Variants in EIF3I observed in about 807,000 individuals in gnomAD.
The protein encoded by EIF3I is TGF-beta receptor-interacting protein 1.
EIF3I carries 20 observed loss-of-function variants against 43.3 expected under a neutral mutation model. The ratio of observed to expected loss-of-function variants is 0.46; its 90% CI spans 0.32 to 0.67. The LOEUF (loss-of-function observed/expected upper bound fraction) is 0.67, where lower values mean the gene tolerates loss of function less well. Among genes scored for constraint, EIF3I ranks in the 30% least tolerant of loss-of-function variants. The probability of loss-of-function intolerance (pLI) is 0.03; values close to 1 mark genes in which losing one functional copy is unlikely to be tolerated. For synonymous variants in EIF3I, 167 were observed against 151.7 expected, an observed-to-expected ratio of 1.10 and a Z score of -0.74; for missense variants, 279 against 421.4, an observed-to-expected ratio of 0.66 and a Z score of 2.96.
intron 4 of EIF3I, among the ~76,000 whole-genome samples, chr1:32,225,314 T>A (rs1356929173): frequency 6.6e-6 from 1 of 152,224 alleles, no homozygotes; most frequent in African/African-American, 2.4e-5. Flanking sequence ...TGCTGGGTAC[T>A]GGGGACATGG....
chr1:32,222,708 G>T (rs1366707445), intron 2 of EIF3I, 78 bp downstream of exon 2: 1 of 1,454,020 alleles, frequency 6.9e-7, no homozygotes. Context: ...CAGTTTTGCC[G>T]TTAGCGGGGA....
chr1:32,231,363 C>T (rs568212067), downstream of EIF3I: 25 of 566,118 alleles, frequency 4.4e-5, no homozygotes, highest in East Asian at 6.9e-5. Context: ...TGGTGGCACA[C>T]GCCTATAGTC....
At chr1:32,224,590 G>A (rs1363377771) in intron 4 of EIF3I, 115 bp downstream of exon 4, 21 of 708,190 alleles carry the variant, frequency 3.0e-5, no homozygotes, top group Non-Finnish European at 5.1e-5. Context: ...TCCAGTCTAG[G>A]GAATAAGAGA....
In EIF3I at chr1:32,230,781, G is replaced by A. The variant is rs535703860; in HGVS notation, c.915-146G>A. The A allele has an allele frequency of 1.9e-4, 114 of 584,974 alleles. No individual in the cohort carries two copies. The Admixed American group carries it at 3.8e-3, about 19-fold the overall frequency. The allele number at this position is 584,974 out of a possible 1,614,324, so 36.2% of individuals were successfully genotyped here. A position where few individuals can be genotyped will look rare whatever the true frequency, so the allele number is the denominator to read the frequency against. ...GGAGGTTCCAGTGAACCGAGATTGCGCCACTGTACTCCACCCTGGGTGACA... is the reference window on the plus strand; with the variant it reads ...GGAGGTTCCAGTGAACCGAGATTGCACCACTGTACTCCACCCTGGGTGACA... On this transcript the variant is annotated intron_variant, in intron 10 of 11. Coordinates refer to ENST00000676679, the Ensembl canonical transcript of EIF3I.
intron 4 of EIF3I, among the ~76,000 whole-genome samples, chr1:32,225,013 T>C (rs1447531507): frequency 6.6e-6 from 1 of 152,192 alleles, no homozygotes; most frequent in Non-Finnish European, 1.5e-5. Context: ...TTTGTATTTT[T>C]AGTAGAGACA....
exon 6 of EIF3I, chr1:32,226,510 C>T (rs1639149068): frequency 5.7e-6 from 9 of 1,572,046 alleles, no homozygotes; most frequent in Non-Finnish European, 7.7e-6. Flanking sequence ...GAGTGGAGAG[C>T]TCAACCAGTA....
chr1:32,225,969 G>T (rs1224494060), intron 4 of EIF3I, among the ~76,000 whole-genome samples: 1 of 151,884 alleles, frequency 6.6e-6, no homozygotes, highest in Non-Finnish European at 1.5e-5. Context: ...TGCAGTGAGA[G>T]CCGAGATTGC....
At chr1:32,232,953 A>C (rs925424651), downstream of EIF3I, among the ~76,000 whole-genome samples, 1 of 152,196 alleles carries the variant, frequency 6.6e-6, no homozygotes, top group Admixed American at 6.6e-5. Flanking sequence ...ATATGCAACA[A>C]GCCAACCAAA....
chr1:32,222,472 G>T (rs373274802), intron 1 of EIF3I, 28 bp downstream of exon 1: 39 of 1,610,552 alleles, frequency 2.4e-5, no homozygotes, highest in Non-Finnish European at 3.2e-5. Flanking sequence ...GGGTATTGCA[G>T]TGGGGGTCCT....
At chr1:32,228,767 G>C (rs775798746) in exon 8 of EIF3I, 2 of 1,614,046 alleles carry the variant, frequency 1.2e-6, no homozygotes, top group South Asian at 2.2e-5. Flanking sequence ...AAGACTTTCC[G>C]GACAGAACGT....
intron 11 of EIF3I, 30 bp from the exon 11 acceptor site, chr1:32,231,085 C>A (rs753690328): frequency 6.2e-7 from 1 of 1,613,860 alleles, no homozygotes; most frequent in Non-Finnish European, 8.5e-7. Flanking sequence ...AGAGTAAGCA[C>A]CTGACTGGTG....
chr1:32,224,261 G>A, intron 3 of EIF3I, 140 bp downstream of exon 3: 1 of 1,103,296 alleles, frequency 9.1e-7, no homozygotes, highest in Middle Eastern at 2.1e-4. Context: ...CACTGACTGA[G>A]GAAACATTCA....
At chr1:32,231,722 A>T (rs1026453506), downstream of EIF3I, 5 of 154,054 alleles carry the variant, frequency 3.2e-5, no homozygotes, top group African/African-American at 1.2e-4. Flanking sequence ...CAAACTTAAG[A>T]CCCTCAGTAC....
At chr1:32,225,409 C>T (rs1171470275) in intron 4 of EIF3I, among the ~76,000 whole-genome samples, 1 of 152,126 alleles carries the variant, frequency 6.6e-6, no homozygotes, top group African/African-American at 2.4e-5. Flanking sequence ...TGAGTAGTGC[C>T]ACATTAGCAG....
chr1:32,233,416 A>T (rs1280423607), downstream of EIF3I, among the ~76,000 whole-genome samples: 1 of 152,028 alleles, frequency 6.6e-6, no homozygotes, highest in Non-Finnish European at 1.5e-5. Context: ...AGCCTCCCAA[A>T]GTGCTGGGAT....
chr1:32,232,912 A>C (rs773783461), downstream of EIF3I, among the ~76,000 whole-genome samples: 19 of 152,200 alleles, frequency 1.2e-4, no homozygotes, highest in Admixed American at 2.6e-4. Flanking sequence ...CAATCTCATA[A>C]GACAGCTGGC....
At chr1:32,231,070 T>C (rs2124269597) in intron 11 of EIF3I, 45 bp from the exon 11 acceptor site, 1 of 1,613,694 alleles carries the variant, frequency 6.2e-7, no homozygotes, top group Non-Finnish European at 8.5e-7. Context: ...GTCTCTGCCT[T>C]TCCCAGAGTA....
chr1:32,231,491 CA>C (rs372584031), downstream of EIF3I: 7,374 of 180,438 alleles, frequency 0.041, no homozygotes, highest in South Asian at 0.11. Context: ...AACTCCGTCT[CA>C]AAAAAAAAAA....
chr1:32,224,426 C>A, exon 4 of EIF3I: 1 of 1,613,868 alleles, frequency 6.2e-7, no homozygotes, highest in Non-Finnish European at 8.5e-7. Flanking sequence ...CCAAGCATGT[C>A]CTCACTGGCT....
Sources: gnomAD v4.1 joint callset for allele counts (sites outside exome capture counted in the v4.1 genomes callset) on GRCh38, gnomAD v4.1.1 for gene constraint, MANE v1.5 for transcripts, NCBI Gene and HGNC (gene_info 2026-07-23, HGNC 2026-07-21) for gene names.